The following F2RL2 variants were observed in gnomAD, a reference collection of about 807,000 sequenced individuals.
F2RL2 encodes the protein coagulation factor II thrombin receptor like 2.
A neutral mutation model predicts 4.3 loss-of-function variants in F2RL2; 4 were observed. That is an observed-to-expected ratio of 0.93 (90% CI 0.46 to 2.12). The LOEUF (loss-of-function observed/expected upper bound fraction) is 2.12. Among genes scored for constraint, F2RL2 ranks in the 30% most tolerant of loss-of-function variants. The pLI is 0.02. For missense variants in F2RL2, 408 were observed against 449.3 expected (o/e 0.91, Z 0.83); for synonymous variants, 166 against 170.9 (o/e 0.97, Z 0.22).
At position 76,619,514 on chromosome 5, in the gene F2RL2, C is replaced by CCTT. The variant is rs1561518620; in HGVS notation, c.65-873_65-872insAAG. ...CAGATCTAACTTAGTTAAGGATCTT[C>CCTT]TTTTTTTTTTTTTTTTTTTTTTGAG... On this transcript the variant is annotated intron_variant, in intron 1 of 1. Coordinates refer to ENST00000296641, the MANE Select transcript of F2RL2 (RefSeq NM_004101.4). Among the ~76,000 whole-genome samples the CCTT allele has an allele frequency of 1.8e-4, 19 of 104,250 alleles. 4 individuals carry two copies. The highest frequency in any genetic ancestry group is 2.5e-4 in the East Asian group (1 of 4,004). 68.4% of individuals were successfully genotyped at this position (104,250 alleles called of 152,430 possible).
In F2RL2 at chr5:76,616,309, C is replaced by G. The variant is rs1229493217; in HGVS notation, c.*1273G>C. On this transcript the variant is annotated 3_prime_UTR_variant, in exon 2 of 2. Coordinates refer to ENST00000296641, the MANE Select transcript of F2RL2 (RefSeq NM_004101.4). ...AAGACGTTAGGACTAGCTTTTCAGT[C>G]TGAGGCAGAGTGGAGATATAGCAGA... The G allele has an allele frequency of 6.6e-6, 1 of 152,410 alleles. No homozygotes were observed. The highest frequency in any genetic ancestry group is 2.4e-5 in the African/African-American group (1 of 41,440). The allele number at this position is 152,410 out of a possible 1,614,324, so 9.4% of individuals were successfully genotyped here.
chr5:76,621,374 A>G (rs1198036353), intron 1 of F2RL2, among the ~76,000 whole-genome samples: 1 of 152,230 alleles, frequency 6.6e-6, no homozygotes, highest in Non-Finnish European at 1.5e-5. Flanking sequence ...GGGAGGCAGC[A>G]TTCTTCTATG....
rs1561517406 is a variant in F2RL2, at chr5:76,618,546, G to A, written c.161C>T (p.Ser54Phe). The change falls in exon 2 of 2, where the codon TCT becomes TTT. Residue 54 changes from serine (S) to phenylalanine (F), a missense_variant. Ser to Phe is a radical substitution (Grantham distance 155, BLOSUM62 -2). Coordinates refer to ENST00000296641, the MANE Select transcript of F2RL2 (RefSeq NM_004101.4). ...PPNSFEEFPF[S>F]ALEGWTGATI... ...GGCTCCTGTCCAGCCTTCCAAGGCA[G>A]AAAAGGGGAACTCTTCAAAAGAATT... 1 of 1,614,134 alleles carries A rather than the reference G, an allele frequency of 6.2e-7. No individual in the cohort carries two copies. Among genetic ancestry groups the A allele is most frequent in the Admixed American group, 1.7e-5 (1 of 60,024 alleles).
intron 1 of F2RL2, among the ~76,000 whole-genome samples, chr5:76,620,578 T>A (rs1489115489): frequency 6.6e-6 from 1 of 152,210 alleles, no homozygotes; most frequent in Non-Finnish European, 1.5e-5. Flanking sequence ...AGCAACTGGT[T>A]AGAAGACTGG....
chr5:76,620,348 G>A (rs1749517599), intron 1 of F2RL2, among the ~76,000 whole-genome samples: 2 of 137,020 alleles, frequency 1.5e-5, no homozygotes, highest in African/African-American at 5.1e-5. Flanking sequence ...GACTCTGATG[G>A]CGGCTTAAAG....
chr5:76,618,371 A>G lies in F2RL2; in HGVS notation c.336T>C (p.Asn112=). ...LLVFVVGVPA[N]AVTLWMLFFR... is the part of the protein sequence containing the mutation. ...AGAAAAGCATCCACAGGGTCACAGC[A>G]TTGGCCGGGACACCAACTACAAACA... is the stretch of plus-strand genomic sequence containing the variant. The change falls in exon 2 of 2, where the codon AAT becomes AAC. Residue 112 remains asparagine, a synonymous_variant. Coordinates refer to ENST00000296641, the MANE Select transcript of F2RL2 (RefSeq NM_004101.4). 1.9e-6 allele frequency: 3 copies of G among 1,614,232 alleles called. No homozygotes were observed. The highest frequency in any genetic ancestry group is 2.5e-6 in the Non-Finnish European group (3 of 1,180,034).
At chr5:76,622,141 A>G (rs1749751987) in intron 1 of F2RL2, among the ~76,000 whole-genome samples, 1 of 152,108 alleles carries the variant, frequency 6.6e-6, no homozygotes, top group African/African-American at 2.4e-5. Flanking sequence ...AAGAAAGCAA[A>G]TTCACTGCCT....
rs1484524751 is a variant in F2RL2 at position 76,623,061 on chromosome 5, T to C, written c.64+106A>G. Reference sequence around the variant, plus strand: ...TTAATAATAAAGATCAAACTGCCTTTGGGGTTTACAGTTTGTGTGAGATGC... The same window carrying C: ...TTAATAATAAAGATCAAACTGCCTTCGGGGTTTACAGTTTGTGTGAGATGC... On this transcript the variant is annotated intron_variant, in intron 1 of 1. Coordinates refer to ENST00000296641, the MANE Select transcript of F2RL2 (RefSeq NM_004101.4). 5 of 975,196 alleles carry C rather than the reference T, an allele frequency of 5.1e-6. No homozygotes were observed. The African/African-American group carries it at 8.1e-5, about 16-fold the overall frequency. The allele number at this position is 975,196 out of a possible 1,614,324, so 60.4% of individuals were successfully genotyped here.
At position 76,617,503 on chromosome 5, in the gene F2RL2, C is replaced by G; in HGVS notation, c.*79G>C. The G allele has an allele frequency of 9.6e-7, 1 of 1,042,044 alleles. No homozygotes were observed. Among genetic ancestry groups the G allele is most frequent in the South Asian group, 1.6e-5 (1 of 62,418 alleles). The allele number at this position is 1,042,044 out of a possible 1,614,324, so 64.5% of individuals were successfully genotyped here. A position where few individuals can be genotyped will look rare whatever the true frequency, so the allele number is the denominator to read the frequency against. ...ATTTCTTAGGAGCTCGGAAATGGAG[C>G]TCCTTGCACTATGCTTATGTTGTTC... On this transcript the variant is annotated 3_prime_UTR_variant, in exon 2 of 2. Transcript: ENST00000296641.
Position 76,618,282 on chromosome 5 carries a change from A to G in F2RL2, c.425T>C (p.Phe142Ser). ...TATCTTAAAGGGCAATGTAACACAA[A>G]AAAGAAAATCTGCAATGGCCAGGTT... Reference protein sequence around the residue: ...YTNLAIADFLFCVTLPFKIAY... With the variant: ...YTNLAIADFLSCVTLPFKIAY... The change falls in exon 2 of 2, where the codon TTT (phenylalanine) becomes TCT (serine). Residue 142 changes from phenylalanine to serine, a missense_variant. By Grantham distance (155) the Phe-to-Ser change is radical. Coordinates refer to ENST00000296641, the MANE Select transcript of F2RL2 (RefSeq NM_004101.4). 2 of 1,614,234 alleles carry G rather than the reference A, an allele frequency of 1.2e-6. No individual in the cohort carries two copies. Among genetic ancestry groups the G allele is most frequent in the Non-Finnish European group, 1.7e-6 (2 of 1,180,030 alleles).
chr5:76,623,364 G>T lies in F2RL2; in HGVS notation c.-134C>A, dbSNP rs144998296. The T allele has an allele frequency of 6.0e-6, 6 of 1,000,314 alleles. No homozygotes were observed. Among genetic ancestry groups the T allele is most frequent in the Middle Eastern group, 2.7e-4 (1 of 3,674 alleles). The allele number at this position is 1,000,314 out of a possible 1,614,324, so 62.0% of individuals were successfully genotyped here. ...CTGTAGAAGTTTGCTCTCCTGTGCC[G>T]TGCAGGCAGGAAACTTGCCCTGGTC... On this transcript the variant is annotated 5_prime_UTR_variant, in exon 1 of 2. Coordinates refer to ENST00000296641, the MANE Select transcript of F2RL2 (RefSeq NM_004101.4).
At position 76,616,467 on chromosome 5, in the gene F2RL2, G is replaced by C. The variant is rs1221515088; in HGVS notation, c.*1115C>G. On this transcript the variant is annotated 3_prime_UTR_variant, in exon 2 of 2. Coordinates refer to ENST00000296641, the MANE Select transcript of F2RL2 (RefSeq NM_004101.4). ...CAGTGGAGTTAGTGGAAATGTTTTA[G>C]TGATGTATCCTAACTGATATCTAAG... 6.6e-6 allele frequency: 1 copy of C among 152,648 alleles called. No individual in the cohort carries two copies. The highest frequency in any genetic ancestry group is 1.5e-5 in the Non-Finnish European group (1 of 68,048). The allele number at this position is 152,648 out of a possible 1,614,324, so 9.5% of individuals were successfully genotyped here.
chr5:76,619,798 G>A (rs548043790), intron 1 of F2RL2, among the ~76,000 whole-genome samples: 5 of 152,246 alleles, frequency 3.3e-5, no homozygotes, highest in Non-Finnish European at 7.4e-5. Context: ...GATTACAGGC[G>A]TGAGCCACCG....
rs560665027 is a variant in F2RL2, at chr5:76,617,901, A to G, written c.806T>C (p.Phe269Ser). 5.6e-6 allele frequency: 9 copies of G among 1,614,158 alleles called. No individual in the cohort carries two copies. The South Asian group carries it at 6.6e-5, about 12-fold the overall frequency. The change falls in exon 2 of 2, where the codon TTT becomes TCT. Residue 269 changes from phenylalanine to serine, a missense_variant. Phe to Ser is a radical substitution (Grantham distance 155). Transcript: ENST00000296641. ...AAGCACAAATGGAATTAAGAATCCA[A>G]AGAATGCCAAGGAGATGAAGTAATA... ...QLYYFISLAF[F>S]GFLIPFVLII... is the part of the protein sequence containing the mutation.
intron 1 of F2RL2, among the ~76,000 whole-genome samples, chr5:76,620,038 C>T (rs1289595411): frequency 1.3e-5 from 2 of 152,106 alleles, no homozygotes; most frequent in South Asian, 2.1e-4. Flanking sequence ...CCTAGAGCCT[C>T]GAGAATGAAC....
In F2RL2 at chr5:76,618,645, G is replaced by A. The variant is rs1311395575; in HGVS notation, c.65-3C>T. 1 of 1,602,780 alleles carries A rather than the reference G, an allele frequency of 6.2e-7. No individual in the cohort carries two copies. The highest frequency in any genetic ancestry group is 1.1e-5 in the South Asian group (1 of 90,432). On this transcript the variant is annotated splice_region_variant and splice_polypyrimidine_tract_variant and intron_variant, in intron 1 of 1. Coordinates refer to ENST00000296641, the MANE Select transcript of F2RL2 (RefSeq NM_004101.4). ...GTTGTTTGTATCATTTTCCATGCCT[G>A]TAATTGAAAGAAAGTATTAACATAA...
In F2RL2 at chr5:76,623,112, T is replaced by C; in HGVS notation, c.64+55A>G. On this transcript the variant is annotated intron_variant, in intron 1 of 1. Transcript: ENST00000296641. The stretch of plus-strand genomic sequence containing the variant: ...AAAGAAACCTAGGTTCAGTTGACTC[T>C]TAATTTGTAACAGAAACCCACATCC... 2.6e-6 allele frequency: 4 copies of C among 1,561,888 alleles called. No individual in the cohort carries two copies. The Admixed American group carries it at 5.0e-5, about 20-fold the overall frequency.
At chr5:76,622,297 T>C (rs937034128) in intron 1 of F2RL2, among the ~76,000 whole-genome samples, 3 of 152,222 alleles carry the variant, frequency 2.0e-5, no homozygotes, top group Non-Finnish European at 4.4e-5. Context: ...CGTGCACTTA[T>C]TATATTCATA....
At position 76,623,395 on chromosome 5, in the gene F2RL2, C is replaced by A. The variant is rs930728871; in HGVS notation, c.-165G>T. The A allele has an allele frequency of 7.2e-6, 5 of 696,430 alleles. No individual in the cohort carries two copies. The African/African-American group carries it at 9.0e-5, about 13-fold the overall frequency. 43.1% of individuals were successfully genotyped at this position (696,430 alleles called of 1,614,324 possible). A position where few individuals can be genotyped will look rare whatever the true frequency, so the allele number is the denominator to read the frequency against. ...GCAGGAAACTTGCCCTGGTCCTCCGCAGGGAAAGGATGTAATCCACTCGAT... is the reference window on the plus strand; with the variant it reads ...GCAGGAAACTTGCCCTGGTCCTCCGAAGGGAAAGGATGTAATCCACTCGAT... On this transcript the variant is annotated 5_prime_UTR_variant, in exon 1 of 2. Coordinates refer to ENST00000296641, the MANE Select transcript of F2RL2 (RefSeq NM_004101.4).
Sources: gnomAD v4.1 joint callset for allele counts (sites outside exome capture counted in the v4.1 genomes callset) on GRCh38, gnomAD v4.1.1 for gene constraint, MANE v1.5 for transcripts, NCBI Gene and HGNC (gene_info 2026-07-23, HGNC 2026-07-21) for gene names.